The following LYPD5 variants were observed in gnomAD, a reference collection of about 807,000 sequenced individuals.
LYPD5 encodes the protein LY6/PLAUR domain containing 5.
In LYPD5, 21 loss-of-function variants were observed where a neutral mutation model predicts 19.1. The ratio of observed to expected loss-of-function variants is 1.10; its 90% confidence interval spans 0.78 to 1.58. LYPD5 has a LOEUF of 1.58. LYPD5 is among the 40% of genes most tolerant of loss of function. The pLI is 0.00. For missense variants in LYPD5, 287 were observed against 329.8 expected (o/e 0.87, Z 1.00); for synonymous variants, 128 against 142.7 (o/e 0.90, Z 0.74).
chr19:43,801,607 C>T (rs1009495692), intron 1 of LYPD5, among the ~76,000 whole-genome samples: 4 of 152,194 alleles, frequency 2.6e-5, no homozygotes, highest in African/African-American at 9.7e-5. Context: ...AAATTACACA[C>T]GCATCTCTTT....
intron 1 of LYPD5, among the ~76,000 whole-genome samples, chr19:43,818,335 G>C (rs188734324): frequency 6.6e-6 from 1 of 152,292 alleles, no homozygotes; most frequent in Admixed American, 6.5e-5. Flanking sequence ...AGGAGAGAGG[G>C]AAAAGTATAG....
intron 1 of LYPD5, among the ~76,000 whole-genome samples, chr19:43,816,464 C>A (rs879813209): frequency 4.6e-5 from 7 of 152,172 alleles, no homozygotes; most frequent in Admixed American, 2.6e-4. Flanking sequence ...GAACCTGGGG[C>A]AAGACAGTGC....
At chr19:43,802,237 GC>G in intron 1 of LYPD5, 79 bp downstream of exon 1, 1 of 1,328,698 alleles carries the variant, frequency 7.5e-7, no homozygotes, top group Non-Finnish European at 1.1e-6. Flanking sequence ...AGGAGTCCAG[GC>G]CCCCAGTCTC....
intron 1 of LYPD5, among the ~76,000 whole-genome samples, chr19:43,800,697 C>T (rs1970211700): frequency 1.3e-5 from 2 of 152,204 alleles, no homozygotes; most frequent in African/African-American, 4.8e-5. Context: ...GGTGGTGGCT[C>T]ATGCCTATAA....
At chr19:43,809,290 G>C (rs1224127323) in intron 1 of LYPD5, among the ~76,000 whole-genome samples, 1 of 152,106 alleles carries the variant, frequency 6.6e-6, no homozygotes, top group Admixed American at 6.5e-5. Flanking sequence ...GCCCACCTCA[G>C]CCTCCCAAAG....
chr19:43,797,816 G>A lies in LYPD5; in HGVS notation c.531C>T (p.Val177=), dbSNP rs749892593. The A allele has an allele frequency of 1.2e-6, 2 of 1,613,262 alleles. No homozygotes were observed. Among genetic ancestry groups the A allele is most frequent in the South Asian group, 2.2e-5 (2 of 91,042 alleles). The change falls in exon 5 of 5, where the codon GTC becomes GTT. Residue 177 remains valine, a synonymous_variant. Coordinates refer to ENST00000377950, the MANE Select transcript of LYPD5 (RefSeq NM_001031749.3). ...GGTGGCAGGTTCTGATGTACACAGG[G>A]ACTGAGAAATTGCCTGGAGGTGGGC... ...NGRMTVGNFS[V]PVYIRTCHRP...
chr19:43,800,159 C>A, intron 1 of LYPD5: 1 of 221,868 alleles, frequency 4.5e-6, no homozygotes, highest in South Asian at 6.3e-5. Context: ...CCATCCTTCC[C>A]CAAGCTTAAC....
chr19:43,798,124 A>T (rs797272), intron 4 of LYPD5, among the ~76,000 whole-genome samples: 15,743 of 67,716 alleles, frequency 0.23, 2,120 homozygotes, highest in East Asian at 0.42. Flanking sequence ...CTCCTTCCTC[A>T]GAGCAGGGCC....
Position 43,797,399 on chromosome 19 carries a change from T to A in LYPD5, c.*192A>T, listed in dbSNP as rs1261403351. On this transcript the variant is annotated 3_prime_UTR_variant, in exon 5 of 5. Transcript: ENST00000377950. Reference sequence around the variant, plus strand: ...GCTGTTTTGCCCTCCCCGGGGATGCTGGTGACTGTGTCCAGTTTCTTCCAG... The same window carrying A: ...GCTGTTTTGCCCTCCCCGGGGATGCAGGTGACTGTGTCCAGTTTCTTCCAG... 7 of 575,092 alleles carry A rather than the reference T, an allele frequency of 1.2e-5. No individual in the cohort carries two copies. Among genetic ancestry groups the A allele is most frequent in the Admixed American group, 3.2e-5 (1 of 31,362 alleles). 35.6% of individuals were successfully genotyped at this position (575,092 alleles called of 1,614,324 possible). A position where few individuals can be genotyped will look rare whatever the true frequency, so the allele number is the denominator to read the frequency against.
intron 1 of LYPD5, among the ~76,000 whole-genome samples, chr19:43,800,425 T>C (rs1010409646): frequency 3.9e-5 from 6 of 152,122 alleles, no homozygotes; most frequent in Non-Finnish European, 8.8e-5. Flanking sequence ...GACCCTGCAA[T>C]ATAAACCTCC....
At chr19:43,806,355 C>A (rs1970270236), upstream of LYPD5, among the ~76,000 whole-genome samples, 1 of 152,024 alleles carries the variant, frequency 6.6e-6, no homozygotes. Context: ...AGGGGACCAT[C>A]TAGTGGCAGG....
rs1294072597 is a variant in LYPD5, at chr19:43,799,130, A to G, written c.194-142T>C. ...CTTCCCTCCTTCCTCTCACCCCCAG[A>G]CCTTTTCCCCCGAGTTCTTCTCTTC... On this transcript the variant is annotated intron_variant, in intron 2 of 4. Transcript: ENST00000377950. 19 of 878,908 alleles carry G rather than the reference A, an allele frequency of 2.2e-5. No individual in the cohort carries two copies. In the East Asian group the frequency reaches 4.7e-4, roughly 22 times the overall value. The allele number at this position is 878,908 out of a possible 1,614,324, so 54.4% of individuals were successfully genotyped here. A position where few individuals can be genotyped will look rare whatever the true frequency, so the allele number is the denominator to read the frequency against.
At chr19:43,800,020 T>C in intron 1 of LYPD5, 186 bp from the exon 2 acceptor site, 1 of 635,062 alleles carries the variant, frequency 1.6e-6, no homozygotes. Flanking sequence ...GGCAGAGTAA[T>C]GACCTCTCTG....
intron 1 of LYPD5, among the ~76,000 whole-genome samples, chr19:43,810,881 C>T (rs1053326130): frequency 6.6e-6 from 1 of 151,886 alleles, no homozygotes; most frequent in Non-Finnish European, 1.5e-5. Context: ...TCACCTGCCT[C>T]GGCCTCCCAA....
chr19:43,807,765 T>C (rs1355884357), intron 1 of LYPD5, among the ~76,000 whole-genome samples: 6 of 152,174 alleles, frequency 3.9e-5, no homozygotes, highest in Admixed American at 3.3e-4. Flanking sequence ...CCTGATTCAG[T>C]CAATCCAAGG....
At chr19:43,797,955 C>A in intron 4 of LYPD5, 126 bp from the exon 5 acceptor site, 1 of 726,088 alleles carries the variant, frequency 1.4e-6, no homozygotes, top group African/African-American at 1.8e-5. Context: ...CTCCTAAGAC[C>A]AGGGCCAGGC....
intron 1 of LYPD5, among the ~76,000 whole-genome samples, chr19:43,811,762 G>GGAGGGAGA (rs1970326304): frequency 2.7e-5 from 4 of 150,578 alleles, no homozygotes; most frequent in African/African-American, 9.8e-5. Flanking sequence ...AGGGAGGGAG[G>GGAGGGAGA]GAGGAAGGCA....
At chr19:43,818,889 G>A (rs879329838) in intron 1 of LYPD5, among the ~76,000 whole-genome samples, 2 of 152,130 alleles carry the variant, frequency 1.3e-5, no homozygotes, top group Non-Finnish European at 1.5e-5. Flanking sequence ...ATGACTAATT[G>A]TCTATTATTA....
At chr19:43,819,836 T>C (rs370132377) in intron 1 of LYPD5, among the ~76,000 whole-genome samples, 5 of 152,184 alleles carry the variant, frequency 3.3e-5, no homozygotes, top group African/African-American at 9.7e-5. Flanking sequence ...CTTTCTGTTA[T>C]GTATGTGAGG....
Sources: gnomAD v4.1 joint callset for allele counts (sites outside exome capture counted in the v4.1 genomes callset) on GRCh38, gnomAD v4.1.1 for gene constraint, MANE v1.5 for transcripts, NCBI Gene and HGNC (gene_info 2026-07-23, HGNC 2026-07-21) for gene names.